RMDN1: variants seen among roughly 807,000 people sequenced by gnomAD.
RMDN1 encodes regulator of microtubule dynamics 1.
In RMDN1, 48 loss-of-function variants were observed where a neutral mutation model predicts 48.9. The ratio of observed to expected loss-of-function variants is 0.98; its 90% confidence interval spans 0.78 to 1.25. The LOEUF (loss-of-function observed/expected upper bound fraction) is 1.25. Among genes scored for constraint, RMDN1 ranks in the 50% most tolerant of loss-of-function variants. RMDN1 has a pLI of 0.00. For missense variants in RMDN1, 418 were observed against 373.4 expected, an observed-to-expected ratio of 1.12 and a Z score of -0.98; for synonymous variants, 148 against 132.6, an observed-to-expected ratio of 1.12 and a Z score of -0.80.
intron 2 of RMDN1, among the ~76,000 whole-genome samples, chr8:86,490,977 G>A (rs1241158880): frequency 6.6e-6 from 1 of 151,648 alleles, no homozygotes; most frequent in African/African-American, 2.4e-5. Context: ...GGGCAAGATG[G>A]CAAGACACCA....
chr8:86,502,532 C>T (rs1818426332), intron 2 of RMDN1, among the ~76,000 whole-genome samples: 2 of 152,172 alleles, frequency 1.3e-5, no homozygotes, highest in South Asian at 2.1e-4. Flanking sequence ...AGGCATGAGC[C>T]GCCATGCCCA....
Position 86,473,918 on chromosome 8 carries a change from T to G in RMDN1, c.*390A>C. 1.0e-6 allele frequency: 1 copy of G among 1,003,858 alleles called. No individual in the cohort carries two copies. 62.2% of individuals were successfully genotyped at this position (1,003,858 alleles called of 1,614,324 possible). A position where few individuals can be genotyped will look rare whatever the true frequency, so the allele number is the denominator to read the frequency against. ...TGTCACCACACCTTCTCTTCAAGAT[T>G]TCAACTTAGAATCAATCCAATTTGA... On this transcript the variant is annotated 3_prime_UTR_variant, in exon 10 of 10. Coordinates refer to ENST00000406452, the MANE Select transcript of RMDN1 (RefSeq NM_016033.3).
At chr8:86,491,364 G>C (rs965963343) in intron 2 of RMDN1, among the ~76,000 whole-genome samples, 13 of 151,928 alleles carry the variant, frequency 8.6e-5, no homozygotes, top group Non-Finnish European at 1.8e-4. Context: ...TTGATGTCTT[G>C]ACCTCGTGGT....
chr8:86,484,634 C>T (rs1394358653), intron 5 of RMDN1: 2 of 249,920 alleles, frequency 8.0e-6, no homozygotes, highest in Non-Finnish European at 1.5e-5. Flanking sequence ...AGGAAAATTG[C>T]TTGAACCCGG....
chr8:86,492,179 T>G (rs1816612910), intron 2 of RMDN1, among the ~76,000 whole-genome samples: 1 of 152,056 alleles, frequency 6.6e-6, no homozygotes, highest in African/African-American at 2.4e-5. Context: ...TTAATGACTG[T>G]GACAAAAACA....
chr8:86,505,332 A>G (rs1235996031), intron 2 of RMDN1: 1 of 461,602 alleles, frequency 2.2e-6, no homozygotes, highest in Non-Finnish European at 4.3e-6. Context: ...CACTTGGCAT[A>G]TGACAACTTT....
intron 2 of RMDN1, among the ~76,000 whole-genome samples, chr8:86,490,045 G>A (rs184327238): frequency 1.3e-5 from 2 of 152,174 alleles, no homozygotes; most frequent in Admixed American, 6.5e-5. Flanking sequence ...CTGATTAGGT[G>A]TTATAAAGTT....
chr8:86,486,905 GC>G (rs149765831), intron 3 of RMDN1, among the ~76,000 whole-genome samples: 11,128 of 152,070 alleles, frequency 0.073, 456 homozygotes, highest in Non-Finnish European at 0.087. Flanking sequence ...AAATATCTTT[GC>G]ATTCAAATTC....
chr8:86,492,317 A>C (rs1360080352), intron 2 of RMDN1, among the ~76,000 whole-genome samples: 1 of 152,182 alleles, frequency 6.6e-6, no homozygotes, highest in African/African-American at 2.4e-5. Flanking sequence ...AGTACTATGA[A>C]TGTATTAGCA....
chr8:86,481,884 A>G, intron 5 of RMDN1: 1 of 770,162 alleles, frequency 1.3e-6, no homozygotes, highest in Non-Finnish European at 2.1e-6. Context: ...GGTAGATCTA[A>G]TATGTTCAAC....
rs1814476618 is a variant in RMDN1 at position 86,481,633 on chromosome 8, G to A, written c.586-1301C>T. ...TGAAAGTCATTTGAAAAACACTGAG[G>A]AAGGAAGGAGAAGACCTAAGACCCA... is the stretch of plus-strand genomic sequence containing the variant. On this transcript the variant is annotated intron_variant, in intron 5 of 9. Coordinates refer to ENST00000406452, the MANE Select transcript of RMDN1 (RefSeq NM_016033.3). 3 of 323,730 alleles carry A rather than the reference G, an allele frequency of 9.3e-6. 1 individual carries two copies. The highest frequency in any genetic ancestry group is 1.7e-5 in the Non-Finnish European group (3 of 174,876). The allele number at this position is 323,730 out of a possible 1,614,324, so 20.1% of individuals were successfully genotyped here.
chr8:86,479,874 A>G (rs1284312898), intron 6 of RMDN1, among the ~76,000 whole-genome samples: 2 of 152,158 alleles, frequency 1.3e-5, no homozygotes, highest in African/African-American at 4.8e-5. Flanking sequence ...ATAAGATCAC[A>G]TAAAAATAGA....
intron 2 of RMDN1, among the ~76,000 whole-genome samples, chr8:86,497,824 G>A (rs531600548): frequency 2.6e-4 from 39 of 151,658 alleles, no homozygotes; most frequent in African/African-American, 8.7e-4. Context: ...GGCCAGGTGC[G>A]GTGGCTCATG....
At chr8:86,481,701 A>G (rs1041959278) in intron 5 of RMDN1, 3 of 508,268 alleles carry the variant, frequency 5.9e-6, no homozygotes, top group Admixed American at 3.2e-5. Context: ...GGCCCCACCA[A>G]TGGTCTCTGT....
chr8:86,483,026 G>A (rs569443431), intron 5 of RMDN1: 4 of 564,548 alleles, frequency 7.1e-6, no homozygotes, highest in Middle Eastern at 4.9e-4. Context: ...GCCCAGGCCA[G>A]GGTTTAATTT....
At chr8:86,469,856 T>G (rs929655052), downstream of RMDN1, among the ~76,000 whole-genome samples, 2 of 152,220 alleles carry the variant, frequency 1.3e-5, no homozygotes, top group Non-Finnish European at 2.9e-5. Context: ...GAGATAATAG[T>G]AGTTGTATTT....
intron 2 of RMDN1, chr8:86,504,431 C>T: frequency 6.4e-7 from 1 of 1,559,058 alleles, no homozygotes; most frequent in Non-Finnish European, 8.8e-7. Flanking sequence ...CGACAGCTCT[C>T]TGGAATCAAT....
chr8:86,504,423 A>G (rs993835618), intron 2 of RMDN1: 1 of 1,559,482 alleles, frequency 6.4e-7, no homozygotes, highest in South Asian at 1.1e-5. Context: ...AGCTCTCTCG[A>G]CAGCTCTCTG....
intron 2 of RMDN1, chr8:86,504,914 CTTCTTCAA>C: frequency 8.6e-7 from 1 of 1,165,942 alleles, no homozygotes; most frequent in Non-Finnish European, 1.3e-6. Context: ...TGACCTTTAC[CTTCTTCAA>C]AGTCCCTGAG....
Sources: allele counts gnomAD v4.1 joint callset (sites outside exome capture counted in the v4.1 genomes callset), GRCh38; gene constraint gnomAD v4.1.1; transcripts MANE v1.5; gene names NCBI Gene and HGNC (gene_info 2026-07-23, HGNC 2026-07-21).